The following ST3GAL1 variants were observed in gnomAD, a reference collection of about 807,000 sequenced individuals.
ST3GAL1 encodes ST3 beta-galactoside alpha-2,3-sialyltransferase 1, also known as CMP-N-acetylneuraminate-beta-galactosamide-alpha-2,3-sialyltransferase 1.
In ST3GAL1, 16 loss-of-function variants were observed where a neutral mutation model predicts 34.1. That is an observed-to-expected ratio of 0.47 (90% CI 0.32 to 0.71). The LOEUF is 0.71. Ranked by LOEUF, ST3GAL1 falls within the 30% of genes least tolerant of loss-of-function variation. ST3GAL1 has a pLI of 0.04. For synonymous variants in ST3GAL1, 191 were observed against 184.7 expected (o/e 1.03, Z -0.28); for missense variants, 353 against 447.4 (o/e 0.79, Z 1.90).
intron 3 of ST3GAL1, among the ~76,000 whole-genome samples, chr8:133,497,905 T>A (rs1817017997): frequency 6.6e-6 from 1 of 152,080 alleles, no homozygotes; most frequent in African/African-American, 2.4e-5. Context: ...ACCCAGAGAA[T>A]CAAACTCAAA....
chr8:133,490,559 G>A (rs911244018), intron 3 of ST3GAL1, among the ~76,000 whole-genome samples: 2 of 152,218 alleles, frequency 1.3e-5, no homozygotes, highest in Admixed American at 6.5e-5. Context: ...GTGTAAGGCA[G>A]GTGGCCATGG....
At chr8:133,482,911 C>A (rs963737886) in intron 3 of ST3GAL1, among the ~76,000 whole-genome samples, 1 of 152,190 alleles carries the variant, frequency 6.6e-6, no homozygotes, top group Non-Finnish European at 1.5e-5. Flanking sequence ...TTGTCAACAA[C>A]AACAACAACA....
chr8:133,519,679 C>T (rs7831920), intron 2 of ST3GAL1, among the ~76,000 whole-genome samples: 45,211 of 151,940 alleles, frequency 0.3, 7,253 homozygotes, highest in African/African-American at 0.41. Flanking sequence ...GGCTCGGGAG[C>T]GCACGCCTGT....
At chr8:133,485,782 T>C (rs1459102680) in intron 3 of ST3GAL1, among the ~76,000 whole-genome samples, 1 of 102,914 alleles carries the variant, frequency 9.7e-6, no homozygotes, top group East Asian at 2.9e-4. Flanking sequence ...AAAGAGAGGG[T>C]GGAGCTTTGG....
At chr8:133,539,485 C>T (rs1818404844) in intron 2 of ST3GAL1, among the ~76,000 whole-genome samples, 1 of 152,224 alleles carries the variant, frequency 6.6e-6, no homozygotes, top group South Asian at 2.1e-4. Context: ...AAAGTCATAA[C>T]TTTGCATTAT....
At chr8:133,473,403 T>C (rs1380387540) in intron 5 of ST3GAL1, among the ~76,000 whole-genome samples, 1 of 152,226 alleles carries the variant, frequency 6.6e-6, no homozygotes, top group Admixed American at 6.5e-5. Context: ...TACCTGCTGT[T>C]GTGTAAGGTC....
At chr8:133,566,381 T>C (rs1337328038) in intron 1 of ST3GAL1, among the ~76,000 whole-genome samples, 1 of 152,204 alleles carries the variant, frequency 6.6e-6, no homozygotes, top group East Asian at 1.9e-4. Context: ...TCAACTCCTC[T>C]GTCTCCCGTA....
At chr8:133,554,474 G>C (rs1029313686) in intron 1 of ST3GAL1, among the ~76,000 whole-genome samples, 7 of 152,140 alleles carry the variant, frequency 4.6e-5, no homozygotes, top group African/African-American at 1.7e-4. Context: ...TGGAGAGTGA[G>C]AACTATGAAT....
In ST3GAL1 at chr8:133,469,531, T is replaced by C. The variant is rs1400987525; in HGVS notation, c.307-3441A>G. 7.2e-5 allele frequency among the ~76,000 whole-genome samples: 11 copies of C among 152,160 alleles called. No individual in the cohort carries two copies. Among genetic ancestry groups the C allele is most frequent in the Admixed American group, 2.0e-4 (3 of 15,282 alleles). ...ACCATGCCTGGCCAAATAATAAAAA[T>C]AAACTTATTAGAAAGGAAACCTCTC... On this transcript the variant is annotated intron_variant, in intron 5 of 9. Coordinates refer to ENST00000522652, the MANE Select transcript of ST3GAL1 (RefSeq NM_173344.3). This position sits in a 1 kb window ranked among gnomAD's most constrained non-coding sequence, Gnocchi z 4.3.
At chr8:133,463,510 G>A (rs761609745) in intron 7 of ST3GAL1, 51 bp from the exon 8 acceptor site, 4 of 1,593,186 alleles carry the variant, frequency 2.5e-6, no homozygotes, top group Non-Finnish European at 2.6e-6. Context: ...ACAGGCCCAG[G>A]AACCTGGGCA....
At chr8:133,548,342 A>G (rs1396216146) in intron 1 of ST3GAL1, among the ~76,000 whole-genome samples, 3 of 151,796 alleles carry the variant, frequency 2.0e-5, no homozygotes, top group Admixed American at 2.0e-4. Context: ...CTTTCTACTC[A>G]CCCTTCACAT....
chr8:133,541,112 T>TAAAG (rs1438213053), intron 2 of ST3GAL1, among the ~76,000 whole-genome samples: 1 of 40,728 alleles, frequency 2.5e-5, no homozygotes, highest in African/African-American at 1.3e-4. Context: ...TATATATATA[T>TAAAG]ATATATATAG....
Position 133,472,855 on chromosome 8 carries a change from G to GAAA in ST3GAL1, c.306+2861_306+2863dup, listed in dbSNP as rs143465666. ...AATATATTCAGCCTTAATTAGTACT[G>GAAA]AAAAAAAAAAAAAACCCACCTAAGT... On this transcript the variant is annotated intron_variant, in intron 5 of 9. Coordinates refer to ENST00000522652, the MANE Select transcript of ST3GAL1 (RefSeq NM_173344.3). Among the ~76,000 whole-genome samples the GAAA allele has an allele frequency of 2.2e-3, 264 of 119,830 alleles. 3 individuals carry two copies. In the South Asian group the frequency reaches 0.027, roughly 12 times the overall value. The allele number at this position is 119,830 out of a possible 152,430, so 78.6% of individuals were successfully genotyped here.
intron 2 of ST3GAL1, among the ~76,000 whole-genome samples, chr8:133,529,136 C>T (rs892541163): frequency 2.2e-4 from 34 of 152,200 alleles, no homozygotes; most frequent in Non-Finnish European, 4.4e-4. Context: ...ACGGGGCTCG[C>T]GGGCCAACCC....
intron 3 of ST3GAL1, among the ~76,000 whole-genome samples, chr8:133,478,259 G>C (rs1816253475): frequency 6.6e-6 from 1 of 152,234 alleles, no homozygotes; most frequent in Non-Finnish European, 1.5e-5. Context: ...TTGACTGGCA[G>C]AGGGTTCCCA....
At chr8:133,507,201 T>C (rs1421604945) in intron 2 of ST3GAL1, among the ~76,000 whole-genome samples, 2 of 152,202 alleles carry the variant, frequency 1.3e-5, no homozygotes, top group Non-Finnish European at 2.9e-5. Context: ...TGTGCTACCA[T>C]GCTGTTGGGG....
intron 2 of ST3GAL1, among the ~76,000 whole-genome samples, chr8:133,513,511 C>T (rs1374671918): frequency 6.6e-6 from 1 of 152,248 alleles, no homozygotes; most frequent in Non-Finnish European, 1.5e-5. Flanking sequence ...ACAGTGTCCA[C>T]GGCTACTTTC....
At chr8:133,532,913 T>G (rs1818199608) in intron 2 of ST3GAL1, among the ~76,000 whole-genome samples, 1 of 152,080 alleles carries the variant, frequency 6.6e-6, no homozygotes, top group Non-Finnish European at 1.5e-5. Flanking sequence ...GAGGGCTAAC[T>G]TCTGCTTCAC....
At chr8:133,554,072 G>C (rs1409995016) in intron 1 of ST3GAL1, among the ~76,000 whole-genome samples, 1 of 152,186 alleles carries the variant, frequency 6.6e-6, no homozygotes, top group Non-Finnish European at 1.5e-5. Context: ...CTGTATAGCG[G>C]TTTCTGATTC....
Sources: allele counts gnomAD v4.1 joint callset (sites outside exome capture counted in the v4.1 genomes callset), GRCh38; gene constraint gnomAD v4.1.1; non-coding constraint Gnocchi (gnomAD v3.1); transcripts MANE v1.5; gene names NCBI Gene and HGNC (gene_info 2026-07-23, HGNC 2026-07-21).